Variants in KIFC1 observed in about 807,000 individuals in gnomAD.
KIFC1 encodes kinesin-like protein KIFC1.
A neutral mutation model predicts 66.6 loss-of-function variants in KIFC1; 37 were observed. The observed-to-expected ratio is 0.56, with a 90% confidence interval of 0.43 to 0.73. The LOEUF is 0.73. Among genes scored for constraint, KIFC1 ranks in the 30% least tolerant of loss-of-function variants. The pLI, the probability that KIFC1 is intolerant of heterozygous loss-of-function variation, is 0.00. For synonymous variants in KIFC1, 325 were observed against 343.5 expected (o/e 0.95, Z 0.60); for missense variants, 721 against 859.8 (o/e 0.84, Z 2.02).
chr6:33,403,228 CACTTCTTCTGCCCCTGT>C lies in KIFC1; in HGVS notation c.251-85_251-69del, dbSNP rs1325056916. 4.1e-6 allele frequency: 5 copies of C among 1,227,804 alleles called. 1 individual carries two copies. The highest frequency in any genetic ancestry group is 6.0e-6 in the Non-Finnish European group (5 of 834,028). The allele number at this position is 1,227,804 out of a possible 1,614,324, so 76.1% of individuals were successfully genotyped here. ...ATCCTATTTCTAATTCTGAGAAAAG[CACTTCTTCTGCCCCTGT>C]CCTAGCAAGTGTACATGCCATCTTA... On this transcript the variant is annotated intron_variant, in intron 3 of 10. Transcript: ENST00000428849. The surrounding 1 kb of genome is among the most constrained non-coding windows in gnomAD (Gnocchi z 4.6).
rs1287492438 is a variant in KIFC1, at chr6:33,401,718, T to C, written c.251-1596T>C. ...TTCTGGATTGCCTTTTTTTTTTTTT[T>C]TGAGACGGAGTCTCGCACTGTCGCC... On this transcript the variant is annotated intron_variant, in intron 3 of 10. Coordinates refer to ENST00000428849, the MANE Select transcript of KIFC1 (RefSeq NM_002263.4). The surrounding 1 kb of genome is among the most constrained non-coding windows in gnomAD (Gnocchi z 4.5). 6.6e-6 allele frequency among the ~76,000 whole-genome samples: 1 copy of C among 151,770 alleles called. No individual in the cohort carries two copies. The highest frequency in any genetic ancestry group is 2.1e-4 in the South Asian group (1 of 4,808).
At position 33,405,237 on chromosome 6, in the gene KIFC1, G is replaced by C. The variant is rs201989419; in HGVS notation, c.1142G>C (p.Gly381Ala). ...TCCTTTGACCGGGTATTCCCACCAG[G>C]AAGTGGACAGGATGAAGTGTTTGAA... ...DFSFDRVFPP[G>A]SGQDEVFEEI... Residue 381 changes from glycine to alanine, a missense_variant, in exon 7 of 11, where the codon GGA becomes GCA. Transcript: ENST00000428849. This position sits in a 1 kb window ranked among gnomAD's most constrained non-coding sequence, Gnocchi z 5.4. 67 of 1,614,082 alleles carry C rather than the reference G, an allele frequency of 4.2e-5. No homozygotes were observed. The highest frequency in any genetic ancestry group is 1.6e-4 in the Middle Eastern group (1 of 6,084).
rs1369807763 is a variant in KIFC1 at position 33,406,279 on chromosome 6, T to G, written c.1620T>G (p.Ser540Arg). 1.9e-6 allele frequency: 3 copies of G among 1,614,192 alleles called. No individual in the cohort carries two copies. Among genetic ancestry groups the G allele is most frequent in the Non-Finnish European group, 2.5e-6 (3 of 1,180,034 alleles). The change falls in exon 8 of 11, where the codon AGT (serine) becomes AGG (arginine). Residue 540 changes from serine to arginine, a missense_variant. Physicochemically the swap from Ser to Arg is moderately radical, Grantham distance 110. Transcript: ENST00000428849. This position sits in a 1 kb window ranked among gnomAD's most constrained non-coding sequence, Gnocchi z 4.5. ...AQNERSSRSH[S>R]VFQLQISGEH... is the part of the protein sequence containing the mutation. ...ATGAACGGTCATCACGCAGCCACAG[T>G]GTATTCCAGCTACAGATTTCTGGGG...
chr6:33,395,286 A>T (rs2151082091), intron 1 of KIFC1, among the ~76,000 whole-genome samples: 1 of 152,270 alleles, frequency 6.6e-6, no homozygotes, highest in South Asian at 2.1e-4. Flanking sequence ...GTTTCGAAGA[A>T]ATAATAGAGT....
rs1775833330 is a variant in KIFC1 at position 33,409,703 on chromosome 6, ATCTG to A, written c.*15_*18del. 6.8e-6 allele frequency: 9 copies of A among 1,332,552 alleles called. No homozygotes were observed. The African/African-American group carries it at 7.4e-5, about 11-fold the overall frequency. 82.5% of individuals were successfully genotyped at this position (1,332,552 alleles called of 1,614,324 possible). ...CAACAGGAAGTGAAGACGGATCCAG[ATCTG>A]TGTGTGTGTGTGTGTGTGTGTGTGT... On this transcript the variant is annotated 3_prime_UTR_variant, in exon 11 of 11. Coordinates refer to ENST00000428849, the MANE Select transcript of KIFC1 (RefSeq NM_002263.4).
chr6:33,404,227 T>C lies in KIFC1; in HGVS notation c.756+98T>C. ...TACCCCTCAAGTCTGGGCTGAGAAC[T>C]CCTGAGCACCTATCTTTAGCAGTAT... On this transcript the variant is annotated intron_variant, in intron 6 of 10. Transcript: ENST00000428849. This position sits in a 1 kb window ranked among gnomAD's most constrained non-coding sequence, Gnocchi z 4.0. 1.7e-6 allele frequency: 2 copies of C among 1,185,934 alleles called. No individual in the cohort carries two copies. Among genetic ancestry groups the C allele is most frequent in the Non-Finnish European group, 2.4e-6 (2 of 843,840 alleles). 73.5% of individuals were successfully genotyped at this position (1,185,934 alleles called of 1,614,324 possible). A position where few individuals can be genotyped will look rare whatever the true frequency, so the allele number is the denominator to read the frequency against.
chr6:33,403,124 TG>T lies in KIFC1; in HGVS notation c.251-189del, dbSNP rs1382565400. Among the ~76,000 whole-genome samples the T allele has an allele frequency of 5.3e-5, 8 of 152,272 alleles. No individual in the cohort carries two copies. The East Asian group carries it at 1.3e-3, about 26-fold the overall frequency. ...GCTGGAATCAACCCCTTTTGGATAC[TG>T]AGGGATGACTGTAATTTCTGGTTCT... On this transcript the variant is annotated intron_variant, in intron 3 of 10. Transcript: ENST00000428849. This position sits in a 1 kb window ranked among gnomAD's most constrained non-coding sequence, Gnocchi z 4.6.
Position 33,406,166 on chromosome 6 carries a change from C to T in KIFC1, c.1537-30C>T. The T allele has an allele frequency of 6.4e-7, 1 of 1,571,070 alleles. No homozygotes were observed. Among genetic ancestry groups the T allele is most frequent in the Non-Finnish European group, 8.7e-7 (1 of 1,155,582 alleles). On this transcript the variant is annotated intron_variant, in intron 7 of 10. Transcript: ENST00000428849. The surrounding 1 kb of genome is among the most constrained non-coding windows in gnomAD (Gnocchi z 4.5). ...ATTACTATGTACTGACTTCTGCCTG[C>T]CTTTTTGCCCCTTCTGCTCCCATCC...
Position 33,406,308 on chromosome 6 carries a change from A to G in KIFC1, c.1649A>G (p.His550Arg). The change falls in exon 8 of 11, where the codon CAC becomes CGC. Residue 550 changes from histidine (H) to arginine (R), a missense_variant. Coordinates refer to ENST00000428849, the MANE Select transcript of KIFC1 (RefSeq NM_002263.4). This position sits in a 1 kb window ranked among gnomAD's most constrained non-coding sequence, Gnocchi z 4.5. ...SVFQLQISGE[H>R]SSRGLQCGAP... ...TTCCAGCTACAGATTTCTGGGGAGC[A>G]CTCCAGCCGAGGCCTGCAGTGTGGG... The G allele has an allele frequency of 6.2e-7, 1 of 1,613,978 alleles. No individual in the cohort carries two copies. Among genetic ancestry groups the G allele is most frequent in the East Asian group, 2.2e-5 (1 of 44,872 alleles).
At position 33,398,034 on chromosome 6, in the gene KIFC1, C is replaced by T; in HGVS notation, c.18C>T (p.Ser6=). MDPQR[S]PLLEVKGNIE... is the part of the protein sequence containing the mutation. ...AGGGTCTCTTTTCCCAACAGAGGTC[C>T]CCCCTATTGGAAGTAAAGGGGAACA... Residue 6 remains serine (S), a synonymous_variant, in exon 2 of 11, where the codon TCC becomes TCT. Coordinates refer to ENST00000428849, the MANE Select transcript of KIFC1 (RefSeq NM_002263.4). 1 of 1,613,910 alleles carries T rather than the reference C, an allele frequency of 6.2e-7. No individual in the cohort carries two copies. Among genetic ancestry groups the T allele is most frequent in the Non-Finnish European group, 8.5e-7 (1 of 1,179,968 alleles).
At chr6:33,394,983 A>G (rs2151081801) in intron 1 of KIFC1, among the ~76,000 whole-genome samples, 1 of 152,318 alleles carries the variant, frequency 6.6e-6, no homozygotes, top group African/African-American at 2.4e-5. Flanking sequence ...GTCTCCTGGA[A>G]GCTAACTGAA....
intron 1 of KIFC1, among the ~76,000 whole-genome samples, chr6:33,393,946 C>T (rs747906399): frequency 6.6e-6 from 1 of 151,882 alleles, no homozygotes; most frequent in Non-Finnish European, 1.5e-5. Context: ...CAGGGTTTCA[C>T]CGCGTTAGCC....
intron 3 of KIFC1, among the ~76,000 whole-genome samples, chr6:33,402,663 G>A (rs1033368997): frequency 1.3e-5 from 2 of 151,910 alleles, no homozygotes; most frequent in African/African-American, 4.8e-5. Flanking sequence ...CCTGGAGGTG[G>A]AGGTTGTAGT....
chr6:33,409,772 G>T lies in KIFC1; in HGVS notation c.*82G>T. The stretch of plus-strand genomic sequence containing the variant: ...GTGTGTGTCCCTATGTCTATGTATC[G>T]GGTGAGGGGTGGGAGGGTTGCTGGA... On this transcript the variant is annotated 3_prime_UTR_variant, in exon 11 of 11. Coordinates refer to ENST00000428849, the MANE Select transcript of KIFC1 (RefSeq NM_002263.4). The T allele has an allele frequency of 2.9e-6, 4 of 1,394,144 alleles. No individual in the cohort carries two copies. The highest frequency in any genetic ancestry group is 3.0e-6 in the Non-Finnish European group (3 of 1,012,746). 86.4% of individuals were successfully genotyped at this position (1,394,144 alleles called of 1,614,324 possible).
chr6:33,407,270 G>T (rs530466691), intron 10 of KIFC1, among the ~76,000 whole-genome samples: 1 of 152,260 alleles, frequency 6.6e-6, no homozygotes, highest in Non-Finnish European at 1.5e-5. Context: ...TTAGCTGGGT[G>T]TAATGGCTCA....
chr6:33,405,055 C>T lies in KIFC1; in HGVS notation c.960C>T (p.Val320=). 4 of 1,614,126 alleles carry T rather than the reference C, an allele frequency of 2.5e-6. No individual in the cohort carries two copies. The highest frequency in any genetic ancestry group is 1.6e-4 in the Middle Eastern group (1 of 6,062). Residue 320 remains valine, a synonymous_variant, in exon 7 of 11, where the codon GTC becomes GTT. Coordinates refer to ENST00000428849, the MANE Select transcript of KIFC1 (RefSeq NM_002263.4). The surrounding 1 kb of genome is among the most constrained non-coding windows in gnomAD (Gnocchi z 5.4). ...NIRVFCRVRP[V]LPGEPTPPPG... is the part of the protein sequence containing the mutation. ...GTGTATTCTGCCGGGTCCGCCCTGTCCTGCCGGGGGAGCCCACTCCACCCC... is the reference window on the plus strand; with the variant it reads ...GTGTATTCTGCCGGGTCCGCCCTGTTCTGCCGGGGGAGCCCACTCCACCCC...
chr6:33,407,860 CCCT>C (rs1319813761), intron 10 of KIFC1, among the ~76,000 whole-genome samples: 3 of 152,208 alleles, frequency 2.0e-5, no homozygotes, highest in Non-Finnish European at 2.9e-5. Context: ...CTCTGGTACA[CCCT>C]CCTCCTGCGC....
At chr6:33,398,840 G>C (rs1290593701) in intron 3 of KIFC1, among the ~76,000 whole-genome samples, 1 of 152,134 alleles carries the variant, frequency 6.6e-6, no homozygotes, top group Non-Finnish European at 1.5e-5. Flanking sequence ...AGTGAAGTTT[G>C]CTTCCTATTT....
chr6:33,406,646 C>G lies in KIFC1; in HGVS notation c.1882C>G (p.Leu628Val). Residue 628 changes from leucine to valine, a missense_variant, in exon 9 of 11, where the codon CTG becomes GTG. By Grantham distance (32) the Leu-to-Val change is conservative. Coordinates refer to ENST00000428849, the MANE Select transcript of KIFC1 (RefSeq NM_002263.4). This position sits in a 1 kb window ranked among gnomAD's most constrained non-coding sequence, Gnocchi z 4.5. Reference protein sequence around the residue: ...SKLTYLLQNSLGGSAKMLMFV... With the variant: ...SKLTYLLQNSVGGSAKMLMFV... ...ACTGACCTACCTGCTGCAGAACTCTCTGGGTGGTAGTGCTAAGATGTGAGT... is the reference window on the plus strand; with the variant it reads ...ACTGACCTACCTGCTGCAGAACTCTGTGGGTGGTAGTGCTAAGATGTGAGT... 1.9e-6 allele frequency: 3 copies of G among 1,614,098 alleles called. No homozygotes were observed. The highest frequency in any genetic ancestry group is 2.5e-6 in the Non-Finnish European group (3 of 1,180,020).
Sources: allele counts gnomAD v4.1 joint callset (sites outside exome capture counted in the v4.1 genomes callset), GRCh38; gene constraint gnomAD v4.1.1; non-coding constraint Gnocchi (gnomAD v3.1); transcripts MANE v1.5; gene names NCBI Gene and HGNC (gene_info 2026-07-23, HGNC 2026-07-21).